RARB: variants seen among roughly 807,000 people sequenced by gnomAD.
RARB encodes retinoic acid receptor beta.
In RARB, 17 loss-of-function variants were observed where a neutral mutation model predicts 51.9. The ratio of observed to expected loss-of-function variants is 0.33; its 90% confidence interval spans 0.22 to 0.49. RARB has a LOEUF of 0.49. Ranked by LOEUF, RARB falls within the 20% of genes least tolerant of loss-of-function variation. RARB has a pLI of 0.99. For missense variants in RARB, 369 were observed against 550.8 expected (o/e 0.67, Z 3.30); for synonymous variants, 215 against 195.4 (o/e 1.10, Z -0.84).
rs182350050 is a variant in RARB at position 25,271,906 on chromosome 3, T to G, written c.178+97331T>G. Among the ~76,000 whole-genome samples, 66 of 152,318 alleles carry G rather than the reference T, an allele frequency of 4.3e-4. 1 individual carries two copies. In the East Asian group the frequency reaches 0.012, roughly 29 times the overall value. ...TAGTTTAAAATTAAAATACTTATCT[T>G]TGTCCTTTACAAATTCTTTGTCTCC... is the stretch of plus-strand genomic sequence containing the variant. On this transcript the variant is annotated intron_variant, in intron 5 of 11. Transcript: ENST00000383772.
At chr3:25,263,939 T>C (rs1575268644) in intron 5 of RARB, among the ~76,000 whole-genome samples, 1 of 152,148 alleles carries the variant, frequency 6.6e-6, no homozygotes, top group African/African-American at 2.4e-5. Context: ...CGTATTTCTC[T>C]TAGAGCTCTA....
chr3:25,035,369 T>C (rs1468279288), intron 2 of RARB, among the ~76,000 whole-genome samples: 2 of 150,900 alleles, frequency 1.3e-5, no homozygotes, highest in Non-Finnish European at 2.9e-5. Context: ...CAATCTGACA[T>C]GCTCAGTCTC....
chr3:24,868,890 C>G (rs1182928160), intron 2 of RARB, among the ~76,000 whole-genome samples: 1 of 152,120 alleles, frequency 6.6e-6, no homozygotes, highest in Non-Finnish European at 1.5e-5. Flanking sequence ...CCAATGTACA[C>G]TTTATATGTA....
intron 5 of RARB, among the ~76,000 whole-genome samples, chr3:25,238,187 G>T (rs1702348915): frequency 6.6e-6 from 1 of 151,582 alleles, no homozygotes; most frequent in African/African-American, 2.4e-5. Flanking sequence ...TGGTATCTAG[G>T]ATTCTACTCT....
intron 2 of RARB, among the ~76,000 whole-genome samples, chr3:24,883,354 CATTGT>C (rs1384177510): frequency 1.2e-5 from 1 of 80,052 alleles, no homozygotes; most frequent in Non-Finnish European, 2.9e-5. Flanking sequence ...TTTCAACAAT[CATTGT>C]GTGTGTGTGT....
At chr3:25,016,203 T>C (rs975740781) in intron 2 of RARB, among the ~76,000 whole-genome samples, 3 of 152,224 alleles carry the variant, frequency 2.0e-5, no homozygotes, top group Non-Finnish European at 2.9e-5. Flanking sequence ...ACTGTACTTA[T>C]AAATTTCAAT....
At chr3:25,358,277 C>T (rs181329350) in intron 5 of RARB, among the ~76,000 whole-genome samples, 45 of 152,104 alleles carry the variant, frequency 3.0e-4, no homozygotes, top group South Asian at 1.2e-3. Context: ...TTTGGCTCTC[C>T]GTTTCTCTAT....
intron 3 of RARB, among the ~76,000 whole-genome samples, chr3:25,529,145 G>A (rs751452011): frequency 1.3e-5 from 2 of 151,900 alleles, no homozygotes; most frequent in Non-Finnish European, 2.9e-5. Context: ...AAACAATTTA[G>A]CATTAGTTAG....
intron 5 of RARB, among the ~76,000 whole-genome samples, chr3:25,342,147 T>A (rs1705247523): frequency 6.6e-6 from 1 of 152,226 alleles, no homozygotes; most frequent in African/African-American, 2.4e-5. Context: ...ACTCAAGTTG[T>A]TAAGCAGACT....
intron 4 of RARB, among the ~76,000 whole-genome samples, chr3:25,137,234 A>T (rs1700043027): frequency 6.6e-6 from 1 of 152,108 alleles, no homozygotes; most frequent in Non-Finnish European, 1.5e-5. Flanking sequence ...AAACTTTAAG[A>T]ACTTAAAGTT....
chr3:24,895,742 GGAAATA>G (rs1439796179), intron 2 of RARB, among the ~76,000 whole-genome samples: 1 of 151,970 alleles, frequency 6.6e-6, no homozygotes, highest in East Asian at 1.9e-4. Flanking sequence ...ACGAATGTGG[GGAAATA>G]ATAATCTTTG....
chr3:25,538,083 T>C (rs1699217265), intron 3 of RARB, among the ~76,000 whole-genome samples: 2 of 152,228 alleles, frequency 1.3e-5, no homozygotes, highest in African/African-American at 4.8e-5. Flanking sequence ...TGAAACTTTT[T>C]TTTTTAAGCA....
chr3:24,952,737 CT>C (rs201932422), intron 2 of RARB, among the ~76,000 whole-genome samples: 1 of 152,016 alleles, frequency 6.6e-6, no homozygotes, highest in Non-Finnish European at 1.5e-5. Context: ...CTGTCACCCT[CT>C]TTTTTTCTCC....
intron 5 of RARB, among the ~76,000 whole-genome samples, chr3:25,228,538 A>T (rs1365137908): frequency 6.6e-6 from 1 of 151,830 alleles, no homozygotes; most frequent in Non-Finnish European, 1.5e-5. Flanking sequence ...CTTCACACCT[A>T]CTAAAGATTC....
At chr3:25,427,563 G>T (rs1346966512), upstream of RARB, among the ~76,000 whole-genome samples, 1 of 152,174 alleles carries the variant, frequency 6.6e-6, no homozygotes, top group East Asian at 1.9e-4. Context: ...TTTGGGACAG[G>T]GGTAACCAAT....
At chr3:24,847,073 G>C (rs1702494526) in intron 1 of RARB, among the ~76,000 whole-genome samples, 1 of 152,262 alleles carries the variant, frequency 6.6e-6, no homozygotes, top group African/African-American at 2.4e-5. Context: ...GGTCTGGGAT[G>C]GTGCCTGAGC....
At chr3:25,420,272 C>A (rs1052327337) in intron 5 of RARB, among the ~76,000 whole-genome samples, 4 of 152,142 alleles carry the variant, frequency 2.6e-5, no homozygotes, top group African/African-American at 9.7e-5. Context: ...AAATTCCATT[C>A]CCTCTCCAAC....
intron 2 of RARB, among the ~76,000 whole-genome samples, chr3:24,965,742 C>A (rs1482221541): frequency 6.6e-6 from 1 of 152,132 alleles, no homozygotes; most frequent in Non-Finnish European, 1.5e-5. Flanking sequence ...AACCTCAAAT[C>A]CGTTCATTAC....
intron 5 of RARB, among the ~76,000 whole-genome samples, chr3:25,320,084 C>T (rs1261668398): frequency 1.4e-5 from 2 of 147,198 alleles, no homozygotes; most frequent in South Asian, 2.1e-4. Flanking sequence ...ATGCATCAGT[C>T]TAGACCAAGG....
Sources: allele counts gnomAD v4.1 joint callset (sites outside exome capture counted in the v4.1 genomes callset), GRCh38; gene constraint gnomAD v4.1.1; transcripts MANE v1.5; gene names NCBI Gene and HGNC (gene_info 2026-07-23, HGNC 2026-07-21).